Variants in PCDH7 observed in about 807,000 individuals in gnomAD.
The protein encoded by PCDH7 is protocadherin 7, also known as protocadherin-7.
PCDH7 carries 17 observed loss-of-function variants against 58.9 expected under a neutral mutation model. The observed-to-expected ratio is 0.29, with a 90% confidence interval of 0.20 to 0.43. PCDH7 has a LOEUF of 0.43. PCDH7 is among the 20% of genes least tolerant of loss of function. The probability of loss-of-function intolerance (pLI) is 1.00; values close to 1 mark genes in which losing one functional copy is unlikely to be tolerated. For synonymous variants in PCDH7, 664 were observed against 616.4 expected, an observed-to-expected ratio of 1.08 and a Z score of -1.14; for missense variants, 1,274 against 1,441.0, an observed-to-expected ratio of 0.88 and a Z score of 1.88.
chr4:30,817,135 G>C (rs563456681), intron 1 of PCDH7, among the ~76,000 whole-genome samples: 1 of 152,266 alleles, frequency 6.6e-6, no homozygotes, highest in African/African-American at 2.4e-5. Flanking sequence ...TGTGATATAG[G>C]AGAAGAAAAT....
At chr4:30,731,580 C>T (rs1715510834) in exon 2 of PCDH7, 1 of 152,044 alleles carries the variant, frequency 6.6e-6, no homozygotes, top group African/African-American at 2.4e-5. Context: ...TTGCTAAAGT[C>T]ACTGTAGTCA....
intron 1 of PCDH7, chr4:30,885,296 T>A (rs1355300709): frequency 1.3e-5 from 2 of 152,224 alleles, no homozygotes; most frequent in African/African-American, 4.8e-5. Flanking sequence ...GTTCCACTTC[T>A]GGCTCTGTCA....
intron 3 of PCDH7, among the ~76,000 whole-genome samples, chr4:31,026,715 C>A (rs1433190186): frequency 1.3e-5 from 2 of 151,992 alleles, no homozygotes; most frequent in Non-Finnish European, 2.9e-5. Context: ...CTTATTTTTG[C>A]CATAGAAATA....
chr4:30,938,195 C>G (rs938878026), intron 2 of PCDH7, among the ~76,000 whole-genome samples: 7 of 152,174 alleles, frequency 4.6e-5, no homozygotes, highest in African/African-American at 1.7e-4. Context: ...CATTATTGCT[C>G]AGACACACAT....
rs534795359 is a variant in PCDH7 at position 30,923,809 on chromosome 4, C to T, written c.287+3440C>T. On this transcript the variant is annotated intron_variant, in intron 2 of 3. Transcript: ENST00000509759. ...TAATTTCATGCTAATCTTTTAATAT[C>T]AATCTAATCAAAGATTGAGGAAATT... is the stretch of plus-strand genomic sequence containing the variant. Among the ~76,000 whole-genome samples the T allele has an allele frequency of 3.9e-5, 6 of 152,132 alleles. No homozygotes were observed. The East Asian group carries it at 5.8e-4, about 15-fold the overall frequency.
At chr4:31,044,484 A>G (rs1226173056) in intron 3 of PCDH7, among the ~76,000 whole-genome samples, 4 of 152,012 alleles carry the variant, frequency 2.6e-5, no homozygotes, top group Non-Finnish European at 5.9e-5. Flanking sequence ...CATTCAACAG[A>G]CACAGAATAT....
At chr4:30,731,134 G>A in exon 2 of PCDH7, 1 of 1,024,572 alleles carries the variant, frequency 9.8e-7, no homozygotes, top group South Asian at 4.6e-5. Flanking sequence ...GACTTTGTGT[G>A]AACAAAGGGA....
intron 1 of PCDH7, among the ~76,000 whole-genome samples, chr4:30,907,494 C>T (rs1741115573): frequency 6.6e-6 from 1 of 152,112 alleles, no homozygotes. Flanking sequence ...ATGTCATATG[C>T]AAAAATGCTT....
At chr4:30,870,245 T>A (rs571609713) in intron 1 of PCDH7, among the ~76,000 whole-genome samples, 21 of 152,272 alleles carry the variant, frequency 1.4e-4, no homozygotes, top group Admixed American at 1.4e-3. Context: ...GCCTGTTCAC[T>A]CTGATGGTAG....
Position 30,890,661 on chromosome 4 carries a change from T to C in PCDH7, c.71-29492T>C, listed in dbSNP as rs1448042635. On this transcript the variant is annotated intron_variant, in intron 1 of 3. Transcript: ENST00000509759. ...TAGTTTGTTTTTATAGTTTTCAGGGTTAGAGGGAAGACAGAATCAATAATC... is the reference window on the plus strand; with the variant it reads ...TAGTTTGTTTTTATAGTTTTCAGGGCTAGAGGGAAGACAGAATCAATAATC... 2.6e-5 allele frequency among the ~76,000 whole-genome samples: 4 copies of C among 152,020 alleles called. No individual in the cohort carries two copies. The East Asian group carries it at 7.7e-4, about 29-fold the overall frequency.
At chr4:30,819,517 G>C (rs1433639304) in intron 1 of PCDH7, among the ~76,000 whole-genome samples, 1 of 152,164 alleles carries the variant, frequency 6.6e-6, no homozygotes, top group Non-Finnish European at 1.5e-5. Context: ...AAATTGAATA[G>C]ATAAAGTAAA....
intron 1 of PCDH7, among the ~76,000 whole-genome samples, chr4:30,781,963 G>A (rs1259158295): frequency 6.6e-6 from 1 of 152,114 alleles, no homozygotes; most frequent in African/African-American, 2.4e-5. Context: ...ATGTAAATGG[G>A]TATAGACTTC....
chr4:31,053,157 GTCT>G (rs1355907464), intron 3 of PCDH7, among the ~76,000 whole-genome samples: 1 of 152,014 alleles, frequency 6.6e-6, no homozygotes, highest in African/African-American at 2.4e-5. Context: ...GCAAAAGCTT[GTCT>G]TCTTGCCTCT....
intron 3 of PCDH7, among the ~76,000 whole-genome samples, chr4:31,111,583 T>A (rs1578827891): frequency 1.3e-5 from 2 of 152,184 alleles, no homozygotes; most frequent in Non-Finnish European, 2.9e-5. Context: ...AATTTTCATG[T>A]GTGGATATAA....
At chr4:30,770,328 A>G (rs1474108488) in intron 1 of PCDH7, among the ~76,000 whole-genome samples, 1 of 152,148 alleles carries the variant, frequency 6.6e-6, no homozygotes, top group Non-Finnish European at 1.5e-5. Context: ...ATAAATCATT[A>G]TTGCTTTCAT....
At chr4:31,064,938 T>C (rs370366802) in intron 3 of PCDH7, among the ~76,000 whole-genome samples, 39 of 152,162 alleles carry the variant, frequency 2.6e-4, no homozygotes, top group Admixed American at 5.9e-4. Flanking sequence ...TCTAACATAT[T>C]GTAAATAACT....
intron 3 of PCDH7, among the ~76,000 whole-genome samples, chr4:31,055,661 C>G (rs1358798783): frequency 6.6e-6 from 1 of 152,038 alleles, no homozygotes; most frequent in Admixed American, 6.6e-5. Flanking sequence ...GCTGCAACCT[C>G]CACCTCACGG....
chr4:31,031,543 G>A (rs1754917247), intron 3 of PCDH7, among the ~76,000 whole-genome samples: 1 of 152,156 alleles, frequency 6.6e-6, no homozygotes, highest in African/African-American at 2.4e-5. Flanking sequence ...TTTATGAATG[G>A]ATGCGGACAG....
intron 3 of PCDH7, among the ~76,000 whole-genome samples, chr4:31,006,621 G>C (rs912984984): frequency 3.3e-5 from 5 of 152,138 alleles, no homozygotes; most frequent in Admixed American, 2.0e-4. Flanking sequence ...GGCCGGGTGT[G>C]GTGGCTCATG....
Sources: allele counts gnomAD v4.1 joint callset (sites outside exome capture counted in the v4.1 genomes callset), GRCh38; gene constraint gnomAD v4.1.1; transcripts MANE v1.5; gene names NCBI Gene and HGNC (gene_info 2026-07-23, HGNC 2026-07-21).